ZZZ3: variants seen among roughly 807,000 people sequenced by gnomAD.
ZZZ3 encodes ZZ-type zinc finger-containing protein 3.
Under a neutral mutation model 95.2 loss-of-function variants are expected in ZZZ3, and 22 were observed. That is an observed-to-expected ratio of 0.23 (90% confidence interval 0.17 to 0.33). ZZZ3 has a LOEUF of 0.33. Among genes scored for constraint, ZZZ3 ranks in the 10% least tolerant of loss-of-function variants. The pLI is 1.00. For synonymous variants in ZZZ3, 335 were observed against 358.9 expected (o/e 0.93, Z 0.75); for missense variants, 885 against 1,066.5 (o/e 0.83, Z 2.37).
At chr1:77,621,694 G>T (rs1427580113) in intron 5 of ZZZ3, among the ~76,000 whole-genome samples, 1 of 151,850 alleles carries the variant, frequency 6.6e-6, no homozygotes, top group Non-Finnish European at 1.5e-5. Flanking sequence ...GTACGCACCT[G>T]TAGTCCCAGC....
chr1:77,652,682 G>A (rs1669917340), intron 1 of ZZZ3, among the ~76,000 whole-genome samples: 1 of 152,110 alleles, frequency 6.6e-6, no homozygotes, highest in South Asian at 2.1e-4. Flanking sequence ...TAGTTATAAA[G>A]TGGAAGCAAC....
chr1:77,600,109 T>C (rs1173304655), intron 5 of ZZZ3, among the ~76,000 whole-genome samples: 1 of 132,094 alleles, frequency 7.6e-6, no homozygotes, highest in Admixed American at 8.5e-5. Context: ...GCACAATATG[T>C]ATATGTCCCT....
intron 1 of ZZZ3, among the ~76,000 whole-genome samples, chr1:77,645,831 G>A (rs1669212211): frequency 6.6e-6 from 1 of 152,004 alleles, no homozygotes; most frequent in Admixed American, 6.6e-5. Flanking sequence ...TTAGCCAGGT[G>A]TGGTGGTGTG....
At chr1:77,575,274 G>A (rs929533486) in intron 12 of ZZZ3, among the ~76,000 whole-genome samples, 1 of 152,178 alleles carries the variant, frequency 6.6e-6, no homozygotes, top group Non-Finnish European at 1.5e-5. Flanking sequence ...GTTGACTAGG[G>A]GGCAGGGGGA....
intron 5 of ZZZ3, among the ~76,000 whole-genome samples, chr1:77,596,755 A>G (rs1239601616): frequency 1.3e-5 from 2 of 152,138 alleles, no homozygotes; most frequent in African/African-American, 4.8e-5. Flanking sequence ...ATATATAATG[A>G]AATTAAATAA....
intron 1 of ZZZ3, among the ~76,000 whole-genome samples, chr1:77,654,692 T>C (rs1670112988): frequency 6.6e-6 from 1 of 152,226 alleles, no homozygotes; most frequent in African/African-American, 2.4e-5. Flanking sequence ...TATTGCCTTA[T>C]GTTTGGTACC....
intron 1 of ZZZ3, among the ~76,000 whole-genome samples, chr1:77,656,402 C>T (rs1182326730): frequency 6.6e-6 from 1 of 152,144 alleles, no homozygotes; most frequent in Non-Finnish European, 1.5e-5. Context: ...CATGCTCCAT[C>T]TGTCTTAAGA....
At chr1:77,589,969 T>C (rs2100607636) in intron 5 of ZZZ3, among the ~76,000 whole-genome samples, 2 of 152,310 alleles carry the variant, frequency 1.3e-5, no homozygotes, top group South Asian at 4.1e-4. Context: ...TCCATGGGCA[T>C]TTGTAATCTA....
chr1:77,596,343 T>G lies in ZZZ3; in HGVS notation c.1506-11688A>C, dbSNP rs527292175. Among the ~76,000 whole-genome samples, 6 of 152,194 alleles carry G rather than the reference T, an allele frequency of 3.9e-5. No homozygotes were observed. In the South Asian group the frequency reaches 1.2e-3, roughly 32 times the overall value. ...CAGAGACAATAAAAACATCAGTAGT[T>G]CCTAGAAGTTCAATGGGGTTGGAGG... On this transcript the variant is annotated intron_variant, in intron 5 of 14. Transcript: ENST00000370801.
At chr1:77,629,784 G>A (rs1485509308) in intron 5 of ZZZ3, among the ~76,000 whole-genome samples, 1 of 152,118 alleles carries the variant, frequency 6.6e-6, no homozygotes, top group Non-Finnish European at 1.5e-5. Context: ...AAATTCCAAA[G>A]GAGTCTCTAT....
chr1:77,603,141 C>T (rs887099572), intron 5 of ZZZ3, among the ~76,000 whole-genome samples: 4 of 151,578 alleles, frequency 2.6e-5, no homozygotes, highest in African/African-American at 4.9e-5. Context: ...CAGTAGGATA[C>T]GATCATGGCT....
At chr1:77,670,256 G>A (rs989751460) in intron 1 of ZZZ3, among the ~76,000 whole-genome samples, 3 of 133,662 alleles carry the variant, frequency 2.2e-5, no homozygotes, top group African/African-American at 9.7e-5. Flanking sequence ...CATACAACAT[G>A]CAATTTTTTT....
At chr1:77,675,599 C>CT (rs34838226) in intron 1 of ZZZ3, among the ~76,000 whole-genome samples, 1,827 of 146,198 alleles carry the variant, frequency 0.012, 13 homozygotes, top group Admixed American at 0.018. Context: ...ACAGGACACA[C>CT]TTTTTTTTTT....
At chr1:77,611,725 C>A (rs1665831592) in intron 5 of ZZZ3, among the ~76,000 whole-genome samples, 1 of 151,854 alleles carries the variant, frequency 6.6e-6, no homozygotes, top group Non-Finnish European at 1.5e-5. Context: ...CGAAAACACA[C>A]AATAAGGGAC....
upstream of ZZZ3, among the ~76,000 whole-genome samples, chr1:77,682,861 C>G (rs552564081): frequency 1.2e-4 from 19 of 152,318 alleles, no homozygotes; most frequent in South Asian, 2.3e-3. Flanking sequence ...TCCCCTTGTA[C>G]AGAAAAGCAG....
intron 1 of ZZZ3, among the ~76,000 whole-genome samples, chr1:77,680,815 C>G (rs982746808): frequency 6.6e-6 from 1 of 152,026 alleles, no homozygotes; most frequent in African/African-American, 2.4e-5. Context: ...AAGTTAAATA[C>G]ATAACACACA....
chr1:77,585,349 T>C (rs1286386450), intron 5 of ZZZ3, among the ~76,000 whole-genome samples: 7 of 152,238 alleles, frequency 4.6e-5, no homozygotes, highest in African/African-American at 1.4e-4. Context: ...CACAAATATA[T>C]TACATGTCAT....
At chr1:77,598,897 A>AAT (rs1381555028) in intron 5 of ZZZ3, among the ~76,000 whole-genome samples, 2 of 152,160 alleles carry the variant, frequency 1.3e-5, no homozygotes, top group African/African-American at 4.8e-5. Context: ...TTTAGCTATT[A>AAT]AGTAAGTACA....
chr1:77,597,194 C>T (rs1664295909), intron 5 of ZZZ3, among the ~76,000 whole-genome samples: 2 of 151,844 alleles, frequency 1.3e-5, no homozygotes, highest in South Asian at 4.2e-4. Context: ...GACACAAAAG[C>T]CAATAGAAAG....
Sources: allele counts gnomAD v4.1 joint callset (sites outside exome capture counted in the v4.1 genomes callset), GRCh38; gene constraint gnomAD v4.1.1; transcripts MANE v1.5; gene names NCBI Gene and HGNC (gene_info 2026-07-23, HGNC 2026-07-21).